Variants in SYNPR observed in about 807,000 individuals in gnomAD.
SYNPR encodes synaptoporin.
SYNPR carries 23 observed loss-of-function variants against 32.9 expected under a neutral mutation model. The ratio of observed to expected loss-of-function variants is 0.70; its 90% CI spans 0.50 to 0.99. The LOEUF (loss-of-function observed/expected upper bound fraction) is 0.99, where lower values mean the gene tolerates loss of function less well. SYNPR is among the 50% of genes least tolerant of loss of function. The pLI is 0.00. For synonymous variants in SYNPR, 146 were observed against 135.9 expected (o/e 1.07, Z -0.52); for missense variants, 318 against 349.3 (o/e 0.91, Z 0.71).
At chr3:63,235,334 T>C (rs2086193311) in intron 1 of SYNPR, among the ~76,000 whole-genome samples, 1 of 152,106 alleles carries the variant, frequency 6.6e-6, no homozygotes, top group African/African-American at 2.4e-5. Context: ...TACGGAACAA[T>C]TAGAGAATTT....
At chr3:63,377,843 A>G (rs2087915117) in intron 2 of SYNPR, among the ~76,000 whole-genome samples, 1 of 152,034 alleles carries the variant, frequency 6.6e-6, no homozygotes, top group African/African-American at 2.4e-5. Flanking sequence ...GAAATTTAGC[A>G]TATAAGAATA....
At chr3:63,417,596 G>A (rs942399771) in intron 2 of SYNPR, among the ~76,000 whole-genome samples, 11 of 152,242 alleles carry the variant, frequency 7.2e-5, no homozygotes, top group Non-Finnish European at 1.6e-4. Flanking sequence ...TCCTGCCCCT[G>A]CAGCAAGCTT....
intron 2 of SYNPR, among the ~76,000 whole-genome samples, chr3:63,431,458 G>C (rs908746106): frequency 5.9e-5 from 9 of 152,048 alleles, no homozygotes; most frequent in Non-Finnish European, 1.2e-4. Flanking sequence ...CAAAATATTG[G>C]GTTAAGAGAA....
chr3:63,615,020 C>T (rs974141916), intron 5 of SYNPR, among the ~76,000 whole-genome samples: 5 of 152,140 alleles, frequency 3.3e-5, no homozygotes, highest in Admixed American at 6.5e-5. Context: ...ACATAAAGCC[C>T]TTTATGTAGT....
intron 2 of SYNPR, among the ~76,000 whole-genome samples, chr3:63,472,510 T>C (rs1205576560): frequency 1.3e-5 from 2 of 152,174 alleles, no homozygotes; most frequent in Non-Finnish European, 2.9e-5. Flanking sequence ...AATGTTACTA[T>C]TCAGTTACAC....
the SYNPR span, among the ~76,000 whole-genome samples, chr3:63,202,367 C>A: frequency 6.6e-6 from 1 of 151,946 alleles, no homozygotes; most frequent in Non-Finnish European, 1.5e-5. Context: ...TTCTCCACAC[C>A]CTGCTTGCAG....
chr3:63,358,024 G>A (rs1320392927), intron 2 of SYNPR, among the ~76,000 whole-genome samples: 4 of 152,144 alleles, frequency 2.6e-5, no homozygotes, highest in Non-Finnish European at 4.4e-5. Context: ...ATTCATTCGC[G>A]TAAAATCTGT....
chr3:63,228,118 C>T (rs1488181682), upstream of SYNPR, among the ~76,000 whole-genome samples: 1 of 152,110 alleles, frequency 6.6e-6, no homozygotes, highest in Non-Finnish European at 1.5e-5. Flanking sequence ...AGAAGGGAGG[C>T]CCGGTAGGAG....
chr3:63,218,495 G>A, the SYNPR span, among the ~76,000 whole-genome samples: 6 of 152,164 alleles, frequency 3.9e-5, no homozygotes. Flanking sequence ...TTATTTTATA[G>A]GAGAGAGTTA....
chr3:63,533,703 C>T (rs893871081), intron 3 of SYNPR, among the ~76,000 whole-genome samples: 44 of 152,132 alleles, frequency 2.9e-4, no homozygotes, highest in African/African-American at 9.9e-4. Context: ...TAGTTCAACT[C>T]GTGCATTGTT....
At chr3:63,269,446 C>G (rs2086515740) in intron 3 of SYNPR, among the ~76,000 whole-genome samples, 1 of 151,692 alleles carries the variant, frequency 6.6e-6, no homozygotes, top group Non-Finnish European at 1.5e-5. Context: ...CCACTGCACT[C>G]TACCCTGGGC....
chr3:63,516,857 T>G (rs187599538), intron 3 of SYNPR, among the ~76,000 whole-genome samples: 7 of 152,166 alleles, frequency 4.6e-5, no homozygotes, highest in African/African-American at 1.7e-4. Context: ...TTACATGTGG[T>G]TCATGTTTTC....
chr3:63,457,407 C>G (rs1199750867), intron 2 of SYNPR, among the ~76,000 whole-genome samples: 1 of 151,810 alleles, frequency 6.6e-6, no homozygotes. Flanking sequence ...CACTCTTTTT[C>G]CCCTAGAACT....
At position 63,615,330 on chromosome 3, in the gene SYNPR, A is replaced by C. The variant is rs1328820049; in HGVS notation, c.707A>C (p.Glu236Ala). ...CAGAGATATCTTTCAGATCCAATGG[A>C]GAAGCACTCCAGCAGCTATAATCAA... ...SGQRYLSDPMEKHSSSYNQGG... is the reference protein window; with the variant it reads ...SGQRYLSDPMAKHSSSYNQGG... The change falls in exon 6 of 6, where the codon GAG (glutamate) becomes GCG (alanine). Residue 236 changes from glutamate (E) to alanine (A), a missense_variant. Transcript: ENST00000478300. The C allele has an allele frequency of 9.9e-6, 16 of 1,613,788 alleles. No homozygotes were observed. The highest frequency in any genetic ancestry group is 1.4e-5 in the Non-Finnish European group (16 of 1,179,872).
At chr3:63,222,442 T>C in the SYNPR span, among the ~76,000 whole-genome samples, 1 of 152,138 alleles carries the variant, frequency 6.6e-6, no homozygotes, top group African/African-American at 2.4e-5. Context: ...CAAAGTGTAA[T>C]GGGGAGTATA....
intron 2 of SYNPR, among the ~76,000 whole-genome samples, chr3:63,363,795 T>C (rs9870396): frequency 0.76 from 116,354 of 152,114 alleles, 45,517 homozygotes; most frequent in East Asian, 0.98. Flanking sequence ...CCTAGAATGT[T>C]CATACTTTCA....
intron 1 of SYNPR, among the ~76,000 whole-genome samples, chr3:63,234,670 C>A (rs920179160): frequency 1.3e-5 from 2 of 152,134 alleles, no homozygotes; most frequent in African/African-American, 4.8e-5. Flanking sequence ...TTCTAAGCTC[C>A]AAAATGTATT....
chr3:63,325,301 G>C (rs2087154114), intron 2 of SYNPR, among the ~76,000 whole-genome samples: 1 of 152,094 alleles, frequency 6.6e-6, no homozygotes, highest in Admixed American at 6.6e-5. Flanking sequence ...TGAATTCTTA[G>C]CATCACTCAC....
At chr3:63,566,336 A>G (rs917414580) in intron 4 of SYNPR, among the ~76,000 whole-genome samples, 5 of 152,130 alleles carry the variant, frequency 3.3e-5, no homozygotes, top group African/African-American at 1.2e-4. Flanking sequence ...TTCATCTTGT[A>G]TTGATTTTTC....
Sources: allele counts gnomAD v4.1 joint callset (sites outside exome capture counted in the v4.1 genomes callset), GRCh38; gene constraint gnomAD v4.1.1; transcripts MANE v1.5; gene names NCBI Gene and HGNC (gene_info 2026-07-23, HGNC 2026-07-21).